SLC4A10: variants seen among roughly 807,000 people sequenced by gnomAD.
The protein encoded by SLC4A10 is solute carrier family 4 member 10, also known as sodium-driven chloride bicarbonate exchanger.
In SLC4A10, 42 loss-of-function variants were observed where a neutral mutation model predicts 137.7. The observed-to-expected ratio is 0.30, with a 90% CI of 0.24 to 0.39. The LOEUF (loss-of-function observed/expected upper bound fraction) is 0.39. Among genes scored for constraint, SLC4A10 ranks in the 10% least tolerant of loss-of-function variants. The pLI is 1.00. For missense variants in SLC4A10, 925 were observed against 1,355.0 expected (o/e 0.68, Z 4.98); for synonymous variants, 474 against 464.1 (o/e 1.02, Z -0.27).
intron 1 of SLC4A10, among the ~76,000 whole-genome samples, chr2:161,731,249 A>G (rs1482652629): frequency 6.6e-6 from 1 of 152,110 alleles, no homozygotes; most frequent in Non-Finnish European, 1.5e-5. Flanking sequence ...GGTTCAGTGT[A>G]CCACTGGTCT....
rs574542571 is a variant in SLC4A10 at position 161,650,191 on chromosome 2, T to TAGATACA, written c.48+25625_48+25626insAGATACA. Among the ~76,000 whole-genome samples the TAGATACA allele has an allele frequency of 1.2e-3, 176 of 152,378 alleles. 2 individuals carry two copies. The South Asian group carries it at 0.02, about 17-fold the overall frequency. On this transcript the variant is annotated intron_variant, in intron 1 of 26. Coordinates refer to ENST00000446997, the MANE Select transcript of SLC4A10 (RefSeq NM_001178015.2). ...TTTGTTTTTCATGATCTTGATACTT[T>TAGATACA]TGAATAGTACTGGTCAGATATGTTG...
intron 3 of SLC4A10, among the ~76,000 whole-genome samples, chr2:161,836,567 A>G (rs1284417323): frequency 3.1e-5 from 4 of 130,344 alleles, no homozygotes; most frequent in African/African-American, 1.2e-4. Flanking sequence ...AAAGAAAGAA[A>G]GAAAGAAAGA....
chr2:161,737,062 T>A (rs1238834766), intron 1 of SLC4A10, among the ~76,000 whole-genome samples: 2 of 152,030 alleles, frequency 1.3e-5, no homozygotes, highest in East Asian at 3.9e-4. Context: ...TCTCACCGTG[T>A]TACCCAGGTT....
At chr2:161,952,140 C>T (rs1694908078) in intron 19 of SLC4A10, among the ~76,000 whole-genome samples, 1 of 151,982 alleles carries the variant, frequency 6.6e-6, no homozygotes, top group African/African-American at 2.4e-5. Context: ...CTGTAAGGGC[C>T]ATCAGTTAAA....
At chr2:161,902,041 G>T (rs761432039) in intron 12 of SLC4A10, 1 of 455,872 alleles carries the variant, frequency 2.2e-6, no homozygotes. Context: ...ACCAATATCC[G>T]GTATCTTCGC....
intron 4 of SLC4A10, among the ~76,000 whole-genome samples, chr2:161,850,946 T>G (rs2059796026): frequency 6.6e-6 from 1 of 152,190 alleles, no homozygotes; most frequent in Admixed American, 6.5e-5. Flanking sequence ...ATTTCTCGGT[T>G]TCTACAGTTA....
At chr2:161,914,497 C>G (rs1011432362) in intron 15 of SLC4A10, among the ~76,000 whole-genome samples, 2 of 152,250 alleles carry the variant, frequency 1.3e-5, no homozygotes, top group African/African-American at 2.4e-5. Flanking sequence ...TTCAACTCCC[C>G]CTACTATAAT....
At chr2:161,654,773 T>C (rs1558955097) in intron 1 of SLC4A10, among the ~76,000 whole-genome samples, 1 of 152,156 alleles carries the variant, frequency 6.6e-6, no homozygotes, top group Non-Finnish European at 1.5e-5. Context: ...ATTTTAATTA[T>C]TGTAGATTTA....
intron 2 of SLC4A10, among the ~76,000 whole-genome samples, chr2:161,787,340 T>C (rs1051034467): frequency 6.6e-6 from 1 of 152,148 alleles, no homozygotes; most frequent in African/African-American, 2.4e-5. Flanking sequence ...TCTCTCTAAC[T>C]CTCTTTAAGA....
intron 2 of SLC4A10, among the ~76,000 whole-genome samples, chr2:161,792,567 T>A (rs1219598297): frequency 6.6e-6 from 1 of 152,146 alleles, no homozygotes. Flanking sequence ...AATCTCTATT[T>A]CAGCTGTCTT....
chr2:161,653,825 A>G (rs2037149134), intron 1 of SLC4A10, among the ~76,000 whole-genome samples: 1 of 152,232 alleles, frequency 6.6e-6, no homozygotes. Context: ...CATCATGGAT[A>G]CTGTGAATAA....
intron 1 of SLC4A10, among the ~76,000 whole-genome samples, chr2:161,671,458 G>A (rs1426371115): frequency 6.6e-6 from 1 of 152,136 alleles, no homozygotes; most frequent in African/African-American, 2.4e-5. Context: ...GTTGACGCCA[G>A]GAGCAATTCT....
chr2:161,828,785 T>TGA (rs2058208927), intron 3 of SLC4A10, among the ~76,000 whole-genome samples: 1 of 111,870 alleles, frequency 8.9e-6, no homozygotes, highest in Non-Finnish European at 1.9e-5. Context: ...TATATATATA[T>TGA]ATATATATAT....
intron 3 of SLC4A10, among the ~76,000 whole-genome samples, chr2:161,835,582 A>G (rs1024193044): frequency 6.6e-6 from 1 of 152,232 alleles, no homozygotes; most frequent in Non-Finnish European, 1.5e-5. Context: ...TTATCCCTAC[A>G]ATGGTAATCA....
chr2:161,939,265 T>G (rs1692208948), intron 15 of SLC4A10, among the ~76,000 whole-genome samples: 1 of 151,896 alleles, frequency 6.6e-6, no homozygotes, highest in Non-Finnish European at 1.5e-5. Context: ...TTAGTAGAGA[T>G]GGGGTTTCAC....
intron 23 of SLC4A10, among the ~76,000 whole-genome samples, chr2:161,969,296 A>G (rs1043959701): frequency 1.3e-5 from 2 of 152,230 alleles, no homozygotes; most frequent in African/African-American, 4.8e-5. Context: ...CCAAGGTCGC[A>G]GAGCTTCTGT....
rs377707621 is a variant in SLC4A10, at chr2:161,872,294, A to G, written c.768A>G (p.Ala256=). The G allele has an allele frequency of 7.5e-5, 121 of 1,612,080 alleles. No homozygotes were observed. Among genetic ancestry groups the G allele is most frequent in the Non-Finnish European group, 9.2e-5 (109 of 1,178,492 alleles). The change falls in exon 7 of 27, where the codon GCA becomes GCG. Residue 256 remains alanine (A), a splice_region_variant and synonymous_variant. Transcript: ENST00000446997. The part of the protein sequence containing the change: ...QSEPNSMDKN[A]GQVVSPQSAP... ...TTCTGTCACAACAATCTCTTTTAGC[A>G]GGTCAGGTTGTTTCTCCTCAGTCTG...
At chr2:161,873,385 G>C (rs1913817) in intron 7 of SLC4A10, among the ~76,000 whole-genome samples, 1 of 151,936 alleles carries the variant, frequency 6.6e-6, no homozygotes, top group Non-Finnish European at 1.5e-5. Context: ...GGAGTTTCTA[G>C]CCGGGTGTGG....
intron 10 of SLC4A10, among the ~76,000 whole-genome samples, chr2:161,889,970 A>T (rs1437198884): frequency 6.6e-6 from 1 of 152,118 alleles, no homozygotes; most frequent in East Asian, 1.9e-4. Flanking sequence ...TGTGTCCCAG[A>T]GATTCTGGTA....
Sources: allele counts gnomAD v4.1 joint callset (sites outside exome capture counted in the v4.1 genomes callset), GRCh38; gene constraint gnomAD v4.1.1; transcripts MANE v1.5; gene names NCBI Gene and HGNC (gene_info 2026-07-23, HGNC 2026-07-21).